The following KLHL1 variants were observed in gnomAD, a reference collection of about 807,000 sequenced individuals.
KLHL1 encodes the protein kelch-like protein 1.
In KLHL1, 47 loss-of-function variants were observed where a neutral mutation model predicts 77.7. The ratio of observed to expected loss-of-function variants is 0.60; its 90% CI spans 0.48 to 0.77. The LOEUF (loss-of-function observed/expected upper bound fraction) is 0.77, where lower values mean the gene tolerates loss of function less well. KLHL1 is among the 30% of genes least tolerant of loss of function. The pLI is 0.00. For missense variants in KLHL1, 925 were observed against 910.8 expected (o/e 1.02, Z -0.20); for synonymous variants, 360 against 325.2 (o/e 1.11, Z -1.15).
chr13:69,882,411 C>T lies in KLHL1; in HGVS notation c.1099G>A (p.Val367Ile). 3 of 1,613,582 alleles carry T rather than the reference C, an allele frequency of 1.9e-6. No homozygotes were observed. Among genetic ancestry groups the T allele is most frequent in the Non-Finnish European group, 2.5e-6 (3 of 1,179,512 alleles). ...ELHKLLASDD[V>I]NVPDEETIFH... ...ATGGTTTCTTCATCAGGAACATTGA[C>T]ATCATCACTGGCCAGTAGTTTATGG... The change falls in exon 5 of 11, where the codon GTC becomes ATC. Residue 367 changes from valine (V) to isoleucine (I), a missense_variant. Physicochemically the swap from Val to Ile is conservative, Grantham distance 29. Coordinates refer to ENST00000377844, the MANE Select transcript of KLHL1 (RefSeq NM_020866.3).
intron 9 of KLHL1, among the ~76,000 whole-genome samples, chr13:69,708,673 T>C (rs1207946490): frequency 6.6e-6 from 1 of 152,026 alleles, no homozygotes; most frequent in African/African-American, 2.4e-5. Context: ...AAATATTTTA[T>C]ATTTTGAGTA....
intron 5 of KLHL1, among the ~76,000 whole-genome samples, chr13:69,871,540 C>G (rs929552872): frequency 2.0e-5 from 3 of 152,062 alleles, no homozygotes; most frequent in Admixed American, 1.3e-4. Context: ...CTCTGTTTCC[C>G]TTTTTACTAT....
At chr13:69,993,934 G>C (rs1885087191) in intron 1 of KLHL1, among the ~76,000 whole-genome samples, 1 of 152,046 alleles carries the variant, frequency 6.6e-6, no homozygotes, top group African/African-American at 2.4e-5. Flanking sequence ...CCAGAGTAGA[G>C]ACATGGAATA....
chr13:69,925,758 G>A (rs1304669004), intron 4 of KLHL1, among the ~76,000 whole-genome samples: 4 of 151,980 alleles, frequency 2.6e-5, no homozygotes, highest in African/African-American at 9.7e-5. Flanking sequence ...ATTATTTTTT[G>A]TAGTGACTTT....
At chr13:70,102,094 G>A (rs748096248) in intron 1 of KLHL1, among the ~76,000 whole-genome samples, 1 of 152,110 alleles carries the variant, frequency 6.6e-6, no homozygotes, top group Admixed American at 6.5e-5. Flanking sequence ...TCCTGAGAAA[G>A]TAGTCCTTTA....
In KLHL1 at chr13:69,793,190, T is replaced by C. The variant is rs144137458; in HGVS notation, c.1639+3548A>G. Among the ~76,000 whole-genome samples the C allele has an allele frequency of 3.3e-3, 499 of 152,214 alleles. 4 individuals are homozygous for C. The highest frequency in any genetic ancestry group is 3.5e-3 in the Admixed American group (53 of 15,272). On this transcript the variant is annotated intron_variant, in intron 7 of 10. Transcript: ENST00000377844. The stretch of plus-strand genomic sequence containing the variant: ...AACACTTAACTGAAATAGTGCATTG[T>C]AGTAATGTCTTATTCAATTTTATAT...
intron 1 of KLHL1, among the ~76,000 whole-genome samples, chr13:70,090,469 G>C (rs1475801481): frequency 1.4e-5 from 2 of 145,602 alleles, no homozygotes; most frequent in Non-Finnish European, 3.0e-5. Context: ...CATATTCAAG[G>C]TTTATTGAAA....
rs530813655 is a variant in KLHL1, at chr13:69,827,190, AAATT to A, written c.1414+11782_1414+11785del. 5.8e-3 allele frequency among the ~76,000 whole-genome samples: 880 copies of A among 151,662 alleles called. 12 individuals are homozygous for A. Among genetic ancestry groups the A allele is most frequent in the African/African-American group, 0.02 (810 of 41,474 alleles). On this transcript the variant is annotated intron_variant, in intron 6 of 10. Coordinates refer to ENST00000377844, the MANE Select transcript of KLHL1 (RefSeq NM_020866.3). ...AATATATTTATAATTTTGGTATATA[AAATT>A]AATTTATAAAACATGAAATGGAAAT... is the stretch of plus-strand genomic sequence containing the variant.
intron 1 of KLHL1, among the ~76,000 whole-genome samples, chr13:70,048,038 T>C (rs962676106): frequency 6.6e-6 from 1 of 152,164 alleles, no homozygotes; most frequent in African/African-American, 2.4e-5. Flanking sequence ...TTTCTGTGCG[T>C]AAGGGGGTGG....
intron 1 of KLHL1, among the ~76,000 whole-genome samples, chr13:70,068,285 G>A (rs375865357): frequency 6.6e-6 from 1 of 152,006 alleles, no homozygotes; most frequent in Admixed American, 6.6e-5. Context: ...AGCTTGCAGT[G>A]AGCCGAGATC....
rs375869705 is a variant in KLHL1 at position 69,796,821 on chromosome 13, G to T, written c.1556C>A (p.Thr519Lys). 7.4e-6 allele frequency: 12 copies of T among 1,614,018 alleles called. No homozygotes were observed. The highest frequency in any genetic ancestry group is 1.0e-5 in the Non-Finnish European group (12 of 1,180,012). Residue 519 changes from threonine to lysine, a missense_variant, in exon 7 of 11, where the codon ACA becomes AAA. Thr to Lys is a moderately conservative substitution (Grantham distance 78). Transcript: ENST00000377844. The stretch of plus-strand genomic sequence containing the variant: ...ATTGTAACATTCAACAGTGTTCAAT[G>T]TCTTTAAGCCATCTCGACCTCCAAT... Reference protein sequence around the residue: ...FVIGGRDGLKTLNTVECYNPK... With the variant: ...FVIGGRDGLKKLNTVECYNPK...
At chr13:69,931,931 A>G (rs1237702984) in intron 4 of KLHL1, among the ~76,000 whole-genome samples, 1 of 151,860 alleles carries the variant, frequency 6.6e-6, no homozygotes, top group Non-Finnish European at 1.5e-5. Flanking sequence ...TCTAATGAGG[A>G]GGTACAATAA....
At chr13:69,917,491 C>T (rs769584205) in intron 4 of KLHL1, among the ~76,000 whole-genome samples, 5 of 152,090 alleles carry the variant, frequency 3.3e-5, no homozygotes, top group Non-Finnish European at 7.4e-5. Flanking sequence ...CAGATCTTGG[C>T]TTCTAAATAC....
At chr13:70,049,913 A>G (rs886707694) in intron 1 of KLHL1, among the ~76,000 whole-genome samples, 3 of 152,118 alleles carry the variant, frequency 2.0e-5, no homozygotes, top group African/African-American at 7.2e-5. Context: ...GATTATTCCC[A>G]GATACATCTA....
chr13:69,725,225 A>G (rs1277723895), intron 8 of KLHL1, among the ~76,000 whole-genome samples: 3 of 152,224 alleles, frequency 2.0e-5, no homozygotes, highest in Non-Finnish European at 4.4e-5. Context: ...ATATGTTATG[A>G]AAAACAGTCA....
At chr13:69,792,362 T>C (rs535073723) in intron 7 of KLHL1, among the ~76,000 whole-genome samples, 6 of 152,262 alleles carry the variant, frequency 3.9e-5, no homozygotes, top group Admixed American at 1.3e-4. Flanking sequence ...CACAATGAGA[T>C]ACTACTTCAA....
intron 7 of KLHL1, among the ~76,000 whole-genome samples, chr13:69,749,232 A>G (rs1035444312): frequency 1.2e-4 from 18 of 152,036 alleles, no homozygotes; most frequent in Admixed American, 1.1e-3. Flanking sequence ...ATCTTTATAG[A>G]TGCAGCAAGG....
chr13:69,746,463 CTAAT>C (rs1207811288), intron 7 of KLHL1, among the ~76,000 whole-genome samples: 2 of 151,892 alleles, frequency 1.3e-5, no homozygotes, highest in East Asian at 1.9e-4. Flanking sequence ...TCTGATTTAT[CTAAT>C]TAATCAGCTA....
At chr13:70,044,594 T>C (rs545028518) in intron 1 of KLHL1, among the ~76,000 whole-genome samples, 4 of 152,174 alleles carry the variant, frequency 2.6e-5, no homozygotes, top group Non-Finnish European at 4.4e-5. Context: ...GTGTGAGATA[T>C]ATTATTTTGA....
Sources: allele counts gnomAD v4.1 joint callset (sites outside exome capture counted in the v4.1 genomes callset), GRCh38; gene constraint gnomAD v4.1.1; transcripts MANE v1.5; gene names NCBI Gene and HGNC (gene_info 2026-07-23, HGNC 2026-07-21).